CXCL13: variants seen among roughly 807,000 people sequenced by gnomAD.
CXCL13 encodes the protein C-X-C motif chemokine ligand 13, also known as C-X-C motif chemokine 13.
CXCL13 carries 7 observed loss-of-function variants against 12.2 expected under a neutral mutation model. That is an observed-to-expected ratio of 0.57 (90% confidence interval 0.33 to 1.07). CXCL13 has a LOEUF of 1.07. CXCL13 is among the 50% of genes least tolerant of loss of function. The pLI, the probability that CXCL13 is intolerant of heterozygous loss-of-function variation, is 0.04. For synonymous variants in CXCL13, 47 were observed against 42.4 expected, an observed-to-expected ratio of 1.11 and a Z score of -0.42; for missense variants, 113 against 127.4, an observed-to-expected ratio of 0.89 and a Z score of 0.55.
intron 1 of CXCL13, among the ~76,000 whole-genome samples, chr4:77,582,652 G>A (rs1385184315): frequency 1.3e-5 from 2 of 152,136 alleles, no homozygotes; most frequent in East Asian, 3.9e-4. Context: ...CATGGTAAGA[G>A]GTTTGTTATC....
chr4:77,552,409 G>A (rs1400303677), intron 1 of CXCL13, among the ~76,000 whole-genome samples: 1 of 152,192 alleles, frequency 6.6e-6, no homozygotes, highest in Non-Finnish European at 1.5e-5. Flanking sequence ...ACTCTGTGCA[G>A]TTCAAACTAC....
chr4:77,550,203 T>A (rs1258855957), intron 1 of CXCL13, among the ~76,000 whole-genome samples: 1 of 152,156 alleles, frequency 6.6e-6, no homozygotes, highest in Non-Finnish European at 1.5e-5. Context: ...TGGAAAGGCA[T>A]GTTATTAGGG....
At chr4:77,533,701 C>T (rs562455929) in intron 1 of CXCL13, among the ~76,000 whole-genome samples, 12 of 152,232 alleles carry the variant, frequency 7.9e-5, no homozygotes, top group South Asian at 4.2e-4. Flanking sequence ...GCTACCAGGC[C>T]GCTTTGTTTA....
upstream of CXCL13, among the ~76,000 whole-genome samples, chr4:77,602,719 T>C (rs1175612384): frequency 1.3e-5 from 2 of 152,246 alleles, no homozygotes; most frequent in Non-Finnish European, 2.9e-5. Context: ...AACCAAGTTA[T>C]GTATTTTTAT....
At chr4:77,533,430 G>A (rs1212486308) in intron 1 of CXCL13, among the ~76,000 whole-genome samples, 2 of 152,174 alleles carry the variant, frequency 1.3e-5, no homozygotes, top group Non-Finnish European at 2.9e-5. Context: ...CATGTGAGGT[G>A]TCAGTCTGCC....
chr4:77,572,290 A>G, intron 1 of CXCL13, among the ~76,000 whole-genome samples: 1 of 151,836 alleles, frequency 6.6e-6, no homozygotes, highest in Non-Finnish European at 1.5e-5. Context: ...AATCCCAGCT[A>G]CTCAGGAAGC....
At chr4:77,552,409 G>C (rs1400303677) in intron 1 of CXCL13, among the ~76,000 whole-genome samples, 1 of 152,192 alleles carries the variant, frequency 6.6e-6, no homozygotes, top group South Asian at 2.1e-4. Flanking sequence ...ACTCTGTGCA[G>C]TTCAAACTAC....
chr4:77,518,145 A>G (rs1473550204), intron 1 of CXCL13, among the ~76,000 whole-genome samples: 6 of 152,128 alleles, frequency 3.9e-5, no homozygotes, highest in African/African-American at 1.4e-4. Context: ...TGGCTTGTAG[A>G]GTTTCTGCTG....
At chr4:77,578,131 C>T (rs1173443108) in intron 1 of CXCL13, among the ~76,000 whole-genome samples, 6 of 152,154 alleles carry the variant, frequency 3.9e-5, no homozygotes, top group Non-Finnish European at 7.3e-5. Flanking sequence ...ATTTTGGCCT[C>T]CCTCTCCCTG....
chr4:77,556,418 AG>A, intron 1 of CXCL13, among the ~76,000 whole-genome samples: 1 of 152,292 alleles, frequency 6.6e-6, no homozygotes, highest in South Asian at 2.1e-4. Flanking sequence ...GACAGAAAAT[AG>A]GTCAGTAGTT....
intron 1 of CXCL13, among the ~76,000 whole-genome samples, chr4:77,531,869 C>T (rs544154107): frequency 1.3e-5 from 2 of 152,124 alleles, no homozygotes; most frequent in East Asian, 3.9e-4. Flanking sequence ...GGATTGCAAC[C>T]CCTGCCTTTT....
chr4:77,562,197 C>T (rs1425640637), intron 1 of CXCL13, among the ~76,000 whole-genome samples: 10 of 146,204 alleles, frequency 6.8e-5, no homozygotes, highest in East Asian at 2.1e-4. Context: ...TGCAGCCCCC[C>T]GCCCCGCCTA....
At chr4:77,517,464 G>C (rs1184505539) in intron 1 of CXCL13, among the ~76,000 whole-genome samples, 1 of 152,158 alleles carries the variant, frequency 6.6e-6, no homozygotes, top group Non-Finnish European at 1.5e-5. Flanking sequence ...AGGTCACTCA[G>C]GGCTTGCTTT....
intron 1 of CXCL13, among the ~76,000 whole-genome samples, chr4:77,546,108 G>A (rs557111998): frequency 3.9e-5 from 6 of 152,228 alleles, no homozygotes; most frequent in South Asian, 2.1e-4. Flanking sequence ...CAACTTGATC[G>A]TGTTGGATAG....
intron 2 of CXCL13, among the ~76,000 whole-genome samples, chr4:77,608,213 G>A (rs750511279): frequency 6.6e-6 from 1 of 152,076 alleles, no homozygotes; most frequent in Non-Finnish European, 1.5e-5. Flanking sequence ...GGCCGAGGAG[G>A]GCGGATCACC....
chr4:77,543,717 A>C lies in CXCL13; in HGVS notation c.-43+31929A>C, dbSNP rs1725262165. 3.3e-5 allele frequency among the ~76,000 whole-genome samples: 5 copies of C among 152,178 alleles called. No individual in the cohort carries two copies. The South Asian group carries it at 1.0e-3, about 32-fold the overall frequency. ...ATTTTTATTCCAATATGGTCTGAGA[A>C]AATGGTTGTTATGATTTCCATTTTT... On this transcript the variant is annotated intron_variant, in intron 1 of 4. Coordinates refer to the CXCL13 transcript ENST00000286758.
At chr4:77,566,726 C>T (rs994291139) in intron 1 of CXCL13, among the ~76,000 whole-genome samples, 1 of 152,144 alleles carries the variant, frequency 6.6e-6, no homozygotes, top group African/African-American at 2.4e-5. Flanking sequence ...TTTCCTTGGC[C>T]CTTTTAATCC....
intron 1 of CXCL13, among the ~76,000 whole-genome samples, chr4:77,541,940 G>C (rs550811873): frequency 1.1e-4 from 16 of 152,050 alleles, no homozygotes; most frequent in Non-Finnish European, 2.1e-4. Flanking sequence ...TACTTGGTTA[G>C]ATTATTCCTA....
At chr4:77,529,737 T>C (rs1724859138) in intron 1 of CXCL13, among the ~76,000 whole-genome samples, 1 of 152,210 alleles carries the variant, frequency 6.6e-6, no homozygotes, top group Admixed American at 6.5e-5. Flanking sequence ...ACAATGTGAC[T>C]TCCTCTTTTC....
Sources: allele counts gnomAD v4.1 joint callset (sites outside exome capture counted in the v4.1 genomes callset), GRCh38; gene constraint gnomAD v4.1.1; transcripts MANE v1.5; gene names NCBI Gene and HGNC (gene_info 2026-07-23, HGNC 2026-07-21).